DOCK4: variants seen among roughly 807,000 people sequenced by gnomAD.
DOCK4 encodes the protein dedicator of cytokinesis protein 4.
DOCK4 carries 97 observed loss-of-function variants against 268.1 expected under a neutral mutation model. The observed-to-expected ratio is 0.36, with a 90% confidence interval of 0.31 to 0.43. The LOEUF is 0.43. DOCK4 is among the 20% of genes least tolerant of loss of function. The pLI is 1.00. For missense variants in DOCK4, 2,145 were observed against 2,455.7 expected (o/e 0.87, Z 2.67); for synonymous variants, 954 against 887.2 (o/e 1.08, Z -1.34).
intron 1 of DOCK4, among the ~76,000 whole-genome samples, chr7:112,122,641 T>C (rs1215095289): frequency 6.6e-6 from 1 of 152,222 alleles, no homozygotes; most frequent in Admixed American, 6.6e-5. Context: ...CCCTCTAGTG[T>C]TTAGCCCAAG....
chr7:111,807,701 C>A (rs1481982164), intron 30 of DOCK4: 1 of 152,176 alleles, frequency 6.6e-6, no homozygotes, highest in Non-Finnish European at 1.5e-5. Flanking sequence ...GTCTCAAACT[C>A]CTGACCTCAA....
chr7:111,877,905 T>G (rs1258091953), intron 16 of DOCK4, among the ~76,000 whole-genome samples: 1 of 152,198 alleles, frequency 6.6e-6, no homozygotes, highest in Non-Finnish European at 1.5e-5. Flanking sequence ...TACTTCCTAC[T>G]GGCAAGAAGA....
intron 1 of DOCK4, among the ~76,000 whole-genome samples, chr7:112,085,546 T>C: frequency 6.6e-6 from 1 of 152,142 alleles, no homozygotes; most frequent in East Asian, 1.9e-4. Context: ...ATCTTACCTT[T>C]CCTGTAAAAA....
At position 111,815,307 on chromosome 7, in the gene DOCK4, G is replaced by C. The variant is rs576002737; in HGVS notation, c.2931-3358C>G. On this transcript the variant is annotated intron_variant, in intron 27 of 52. Transcript: ENST00000428084. ...CCAAGCCATCAAGGCAGTTCCCAGAGCTTTCTATGGTAACTCATCACTGAC... is the reference window on the plus strand; with the variant it reads ...CCAAGCCATCAAGGCAGTTCCCAGACCTTTCTATGGTAACTCATCACTGAC... Among the ~76,000 whole-genome samples, 5 of 152,252 alleles carry C rather than the reference G, an allele frequency of 3.3e-5. No individual in the cohort carries two copies. In the South Asian group the frequency reaches 1.0e-3, roughly 32 times the overall value.
intron 1 of DOCK4, among the ~76,000 whole-genome samples, chr7:112,027,788 C>T (rs1299575648): frequency 6.6e-6 from 1 of 152,210 alleles, no homozygotes; most frequent in East Asian, 1.9e-4. Context: ...GTTTATTTGA[C>T]ATCCTTCTCC....
chr7:111,918,600 C>G (rs1368909351), intron 12 of DOCK4, among the ~76,000 whole-genome samples: 1 of 152,208 alleles, frequency 6.6e-6, no homozygotes, highest in Non-Finnish European at 1.5e-5. Flanking sequence ...GCAGCTATTT[C>G]TCCCTAACTC....
chr7:112,184,186 A>G (rs1819292039), intron 1 of DOCK4, among the ~76,000 whole-genome samples: 2 of 152,192 alleles, frequency 1.3e-5, no homozygotes, highest in Non-Finnish European at 2.9e-5. Flanking sequence ...GCTTTGTGAG[A>G]TCTGAAAACC....
chr7:111,876,707 T>C (rs568128517), intron 17 of DOCK4, among the ~76,000 whole-genome samples: 6 of 151,104 alleles, frequency 4.0e-5, no homozygotes, highest in African/African-American at 1.5e-4. Flanking sequence ...TAGCACTGTT[T>C]ATGGAGCTAT....
At chr7:111,814,269 T>C (rs2133926031) in intron 27 of DOCK4, among the ~76,000 whole-genome samples, 1 of 152,306 alleles carries the variant, frequency 6.6e-6, no homozygotes, top group Middle Eastern at 3.4e-3. Flanking sequence ...TGAAGTACAC[T>C]TGCTGGTAAA....
chr7:111,973,794 A>G (rs1255820637), intron 8 of DOCK4, among the ~76,000 whole-genome samples: 1 of 152,116 alleles, frequency 6.6e-6, no homozygotes, highest in Non-Finnish European at 1.5e-5. Flanking sequence ...ACTTTTGTTG[A>G]TAGTTGTTGA....
intron 12 of DOCK4, among the ~76,000 whole-genome samples, chr7:111,923,171 A>C (rs1387441010): frequency 2.0e-5 from 3 of 152,206 alleles, no homozygotes; most frequent in Non-Finnish European, 4.4e-5. Context: ...TATTATACAT[A>C]AGCTAGAAAT....
chr7:112,179,838 T>C (rs1405897883), intron 1 of DOCK4, among the ~76,000 whole-genome samples: 1 of 152,174 alleles, frequency 6.6e-6, no homozygotes, highest in Non-Finnish European at 1.5e-5. Context: ...AAAGGTATGA[T>C]GAATATTTAA....
intron 23 of DOCK4, among the ~76,000 whole-genome samples, chr7:111,858,808 C>CCCTT (rs1435095440): frequency 5.4e-5 from 8 of 149,524 alleles, no homozygotes; most frequent in Non-Finnish European, 7.4e-5. Context: ...TTCCTTCCCT[C>CCCTT]CCTTCCTTCC....
At chr7:111,854,728 A>G (rs1804862150) in intron 23 of DOCK4, among the ~76,000 whole-genome samples, 1 of 152,224 alleles carries the variant, frequency 6.6e-6, no homozygotes, top group Admixed American at 6.5e-5. Context: ...CCCATGATTC[A>G]GTCAGTACCT....
At chr7:111,916,980 G>GT (rs749349556) in intron 12 of DOCK4, among the ~76,000 whole-genome samples, 7,959 of 83,682 alleles carry the variant, frequency 0.095, 1,469 homozygotes, top group African/African-American at 0.15. Flanking sequence ...TTTCCCCCAT[G>GT]TTTTTTTTTT....
chr7:112,184,000 C>T (rs563904286), intron 1 of DOCK4, among the ~76,000 whole-genome samples: 2 of 152,312 alleles, frequency 1.3e-5, no homozygotes, highest in South Asian at 4.1e-4. Flanking sequence ...GCCCCTTCCT[C>T]TGTGCAGACT....
intron 16 of DOCK4, among the ~76,000 whole-genome samples, chr7:111,893,945 T>C (rs1240297736): frequency 6.6e-6 from 1 of 152,188 alleles, no homozygotes; most frequent in South Asian, 2.1e-4. Flanking sequence ...AGGTGTGGGC[T>C]GGGCGCAGTG....
intron 8 of DOCK4, among the ~76,000 whole-genome samples, chr7:111,947,035 T>C (rs1298312915): frequency 6.6e-6 from 1 of 152,192 alleles, no homozygotes; most frequent in East Asian, 1.9e-4. Flanking sequence ...CAGAATTAAA[T>C]AGTTGGCTGT....
intron 36 of DOCK4, among the ~76,000 whole-genome samples, chr7:111,777,402 T>C (rs1314568059): frequency 1.3e-5 from 2 of 152,198 alleles, no homozygotes; most frequent in African/African-American, 4.8e-5. Context: ...GGGAACTTCA[T>C]GAATGAAGAA....
Sources: allele counts gnomAD v4.1 joint callset (sites outside exome capture counted in the v4.1 genomes callset), GRCh38; gene constraint gnomAD v4.1.1; transcripts MANE v1.5; gene names NCBI Gene and HGNC (gene_info 2026-07-23, HGNC 2026-07-21).